The following CACNA1D variants were observed in gnomAD, a reference collection of about 807,000 sequenced individuals.
The protein encoded by CACNA1D is voltage-dependent L-type calcium channel subunit alpha-1D.
A neutral mutation model predicts 257.1 loss-of-function variants in CACNA1D; 55 were observed. The ratio of observed to expected loss-of-function variants is 0.21; its 90% CI spans 0.17 to 0.27. The LOEUF (loss-of-function observed/expected upper bound fraction) is 0.27, where lower values mean the gene tolerates loss of function less well. Among genes scored for constraint, CACNA1D ranks in the 10% least tolerant of loss-of-function variants. The pLI is 1.00. For synonymous variants in CACNA1D, 980 were observed against 1,014.9 expected (o/e 0.97, Z 0.65); for missense variants, 1,876 against 2,784.0 (o/e 0.67, Z 7.34).
At chr3:53,561,066 G>A (rs1244310651) in intron 3 of CACNA1D, among the ~76,000 whole-genome samples, 1 of 152,154 alleles carries the variant, frequency 6.6e-6, no homozygotes, top group Non-Finnish European at 1.5e-5. Flanking sequence ...ATATTACTTT[G>A]TAAGGTAAAT....
rs563245153 is a variant in CACNA1D, at chr3:53,554,733, T to C, written c.483+53013T>C. Among the ~76,000 whole-genome samples the C allele has an allele frequency of 1.3e-4, 20 of 152,346 alleles. No individual in the cohort carries two copies. The South Asian group carries it at 1.7e-3, about 13-fold the overall frequency. ...TTAAAGCACATTGGTGGCTTACATCTTATCCATTTGTAACCACCCAGGGAC... is the reference window on the plus strand; with the variant it reads ...TTAAAGCACATTGGTGGCTTACATCCTATCCATTTGTAACCACCCAGGGAC... On this transcript the variant is annotated intron_variant, in intron 3 of 47. Coordinates refer to ENST00000350061, the MANE Select transcript of CACNA1D (RefSeq NM_001128840.3).
At chr3:53,727,994 G>C (rs751350615) in intron 15 of CACNA1D, among the ~76,000 whole-genome samples, 4 of 151,782 alleles carry the variant, frequency 2.6e-5, no homozygotes, top group Non-Finnish European at 4.4e-5. Flanking sequence ...CCCTTGACTC[G>C]GCTCTAAGGC....
At chr3:53,533,164 T>A (rs576409698) in intron 3 of CACNA1D, among the ~76,000 whole-genome samples, 6 of 152,344 alleles carry the variant, frequency 3.9e-5, no homozygotes, top group African/African-American at 1.4e-4. Flanking sequence ...TCAAAGAAGC[T>A]CAGAGCTAAA....
chr3:53,556,987 A>G (rs914604574), intron 3 of CACNA1D, among the ~76,000 whole-genome samples: 1 of 151,846 alleles, frequency 6.6e-6, no homozygotes. Context: ...AAGTGCTGGG[A>G]TTACAGGCAT....
At chr3:53,772,963 T>C (rs2095374770) in intron 33 of CACNA1D, 65 bp downstream of exon 33, 1 of 1,310,536 alleles carries the variant, frequency 7.6e-7, no homozygotes, top group Non-Finnish European at 1.1e-6. Context: ...TGTGGCAAGA[T>C]GTACCCTGAC....
chr3:53,753,738 C>A, intron 29 of CACNA1D, 56 bp downstream of exon 29: 1 of 1,004,306 alleles, frequency 1.0e-6, no homozygotes, highest in Non-Finnish European at 1.6e-6. Context: ...TAGAGAAGTA[C>A]CCGCTTCCTG....
Position 53,723,518 on chromosome 3 carries a change from T to C in CACNA1D, c.1751T>C (p.Val584Ala), listed in dbSNP as rs1576463894. ...MYSLGLQAYF[V>A]SLFNRFDCFV... Reference sequence around the variant, plus strand: ...AGCTTGGGCCTCCAAGCATATTTCGTCTCTCTTTTCAACCGGTTTGATTGC... The same window carrying C: ...AGCTTGGGCCTCCAAGCATATTTCGCCTCTCTTTTCAACCGGTTTGATTGC... The change falls in exon 13 of 48, where the codon GTC (valine) becomes GCC (alanine). Residue 584 changes from valine to alanine, a missense_variant. Val to Ala is a moderately conservative substitution (Grantham distance 64). Transcript: ENST00000350061. The surrounding 1 kb of genome is among the most constrained non-coding windows in gnomAD (Gnocchi z 5.6). 3.7e-6 allele frequency: 6 copies of C among 1,614,024 alleles called. No homozygotes were observed. The East Asian group carries it at 1.1e-4, about 30-fold the overall frequency.
chr3:53,565,248 C>G (rs2092813418), intron 3 of CACNA1D, among the ~76,000 whole-genome samples: 1 of 152,022 alleles, frequency 6.6e-6, no homozygotes, highest in Non-Finnish European at 1.5e-5. Flanking sequence ...CAAGTCCTTC[C>G]ATCTTGTTCT....
intron 3 of CACNA1D, among the ~76,000 whole-genome samples, chr3:53,617,613 G>A (rs758218920): frequency 5.3e-5 from 8 of 152,116 alleles, no homozygotes; most frequent in Non-Finnish European, 7.4e-5. Context: ...TTACAGCTGA[G>A]GAAAAGGAAG....
intron 10 of CACNA1D, 76 bp from the exon 11 acceptor site, chr3:53,719,679 T>C (rs2094860545): frequency 7.6e-7 from 1 of 1,319,728 alleles, no homozygotes; most frequent in South Asian, 1.2e-5. Context: ...TTTTATGATA[T>C]CTCAGCTGAA....
At chr3:53,703,376 A>C (rs2094647904) in intron 9 of CACNA1D, among the ~76,000 whole-genome samples, 1 of 152,180 alleles carries the variant, frequency 6.6e-6, no homozygotes, top group South Asian at 2.1e-4. Context: ...GCTGTCACCC[A>C]TCGACACCCC....
chr3:53,763,133 T>C (rs940481662), intron 30 of CACNA1D, among the ~76,000 whole-genome samples: 2 of 152,160 alleles, frequency 1.3e-5, no homozygotes, highest in Non-Finnish European at 2.9e-5. Flanking sequence ...CTGCTCTGAG[T>C]CTGACTGGTG....
At chr3:53,547,874 G>A (rs1281366419) in intron 3 of CACNA1D, among the ~76,000 whole-genome samples, 2 of 152,124 alleles carry the variant, frequency 1.3e-5, no homozygotes, top group East Asian at 1.9e-4. Context: ...CTCTAACATC[G>A]TTTCCCCACC....
chr3:53,505,980 G>C (rs763586053), intron 3 of CACNA1D, among the ~76,000 whole-genome samples: 1 of 152,152 alleles, frequency 6.6e-6, no homozygotes, highest in Non-Finnish European at 1.5e-5. Flanking sequence ...AATCAAGTCC[G>C]TTGTATCTGC....
chr3:53,644,444 A>T (rs1224556947), intron 3 of CACNA1D, among the ~76,000 whole-genome samples: 1 of 152,098 alleles, frequency 6.6e-6, no homozygotes, highest in African/African-American at 2.4e-5. Flanking sequence ...ATACTTTGAA[A>T]TTTTTTATAT....
intron 3 of CACNA1D, among the ~76,000 whole-genome samples, chr3:53,568,738 C>T (rs536736470): frequency 6.6e-6 from 1 of 152,200 alleles, no homozygotes; most frequent in African/African-American, 2.4e-5. Flanking sequence ...CTTAGATAAC[C>T]CTTTATTGAT....
At chr3:53,731,435 G>A (rs903898997) in intron 17 of CACNA1D, among the ~76,000 whole-genome samples, 4 of 152,202 alleles carry the variant, frequency 2.6e-5, no homozygotes, top group East Asian at 1.9e-4. Context: ...GCCCTGACCC[G>A]TGGTCAGGAT....
At chr3:53,552,561 A>G (rs144959779) in intron 3 of CACNA1D, among the ~76,000 whole-genome samples, 1,549 of 152,116 alleles carry the variant, frequency 0.01, 38 homozygotes, top group African/African-American at 0.035. Context: ...TTGTAATTTT[A>G]GTAGAGACAG....
chr3:53,528,747 C>G (rs1261819324), intron 3 of CACNA1D, among the ~76,000 whole-genome samples: 2 of 151,974 alleles, frequency 1.3e-5, no homozygotes, highest in East Asian at 1.9e-4. Context: ...TTATTTATCC[C>G]TAATTTTTAT....
Sources: gnomAD v4.1 joint callset for allele counts (sites outside exome capture counted in the v4.1 genomes callset) on GRCh38, gnomAD v4.1.1 for gene constraint, Gnocchi (gnomAD v3.1) non-coding constraint, MANE v1.5 for transcripts, NCBI Gene and HGNC (gene_info 2026-07-23, HGNC 2026-07-21) for gene names.